ZNF584: variants seen among roughly 807,000 people sequenced by gnomAD.
The protein encoded by ZNF584 is zinc finger protein 584.
In ZNF584, 12 loss-of-function variants were observed where a neutral mutation model predicts 14.7. That is an observed-to-expected ratio of 0.82 (90% CI 0.52 to 1.32). The LOEUF (loss-of-function observed/expected upper bound fraction) is 1.32. Among genes scored for constraint, ZNF584 ranks in the 40% most tolerant of loss-of-function variants. The pLI is 0.00. For synonymous variants in ZNF584, 204 were observed against 190.9 expected, an observed-to-expected ratio of 1.07 and a Z score of -0.57; for missense variants, 478 against 518.8, an observed-to-expected ratio of 0.92 and a Z score of 0.76.
At chr19:58,410,248 C>T (rs1472486018) in intron 2 of ZNF584, among the ~76,000 whole-genome samples, 157 bp downstream of exon 2, 2 of 150,506 alleles carry the variant, frequency 1.3e-5, no homozygotes, top group Non-Finnish European at 3.0e-5. Flanking sequence ...TGGGACTCGG[C>T]GGTGTGCTCT....
chr19:58,405,232 C>T (rs1423543083), upstream of ZNF584: 2 of 146,334 alleles, frequency 1.4e-5, no homozygotes, highest in African/African-American at 5.2e-5. Context: ...ACCCCCCCAC[C>T]TCCCTTCCGG....
chr19:58,416,018 GA>G (rs1313687492), intron 3 of ZNF584: 1 of 1,519,550 alleles, frequency 6.6e-7, no homozygotes, highest in African/African-American at 1.4e-5. Flanking sequence ...GCTGGGACTA[GA>G]CACATGCCTC....
At position 58,417,614 on chromosome 19, in the gene ZNF584, A is replaced by G. The variant is rs1230801580; in HGVS notation, c.1096A>G (p.Arg366Gly). Residue 366 changes from arginine to glycine, a missense_variant, in exon 4 of 4, where the codon AGA becomes GGA. Arg to Gly is a moderately radical substitution (Grantham distance 125). This residue lies in a region of ZNF584 where 283 missense variants were observed against 317.3 expected (regional missense o/e 0.89). Transcript: ENST00000306910. ...CCTGTGTGGGAAAACCTTCACTACC[A>G]GATCCTACCGCAATCGGCACCAGCA... ...CSLCGKTFTT[R>G]SYRNRHQQFH... is the part of the protein sequence containing the mutation. 3 of 1,614,120 alleles carry G rather than the reference A, an allele frequency of 1.9e-6. No individual in the cohort carries two copies. In the East Asian group the frequency reaches 6.7e-5, roughly 36 times the overall value.
chr19:58,410,737 A>G (rs1267114766), intron 2 of ZNF584, among the ~76,000 whole-genome samples: 7 of 44,460 alleles, frequency 1.6e-4, no homozygotes, highest in Non-Finnish European at 2.6e-4. Context: ...GTATATATAT[A>G]TATGTGTGTA....
At position 58,417,824 on chromosome 19, in the gene ZNF584, G is replaced by GTAA; in HGVS notation, c.*41_*42insAAT. ...GGAAAGGTCTTATTCCAGAAAGGAGGTTAAGGAGAGTGGCCGTGAGAGTGC... is the reference window on the plus strand; with the variant it reads ...GGAAAGGTCTTATTCCAGAAAGGAGGTAATTAAGGAGAGTGGCCGTGAGAGTGC... On this transcript the variant is annotated 3_prime_UTR_variant, in exon 4 of 4. Transcript: ENST00000306910. 1 of 1,554,174 alleles carries GTAA rather than the reference G, an allele frequency of 6.4e-7. No individual in the cohort carries two copies. The highest frequency in any genetic ancestry group is 8.7e-7 in the Non-Finnish European group (1 of 1,151,972).
intron 2 of ZNF584, among the ~76,000 whole-genome samples, chr19:58,411,619 G>A (rs997731604): frequency 2.0e-5 from 3 of 151,716 alleles, no homozygotes; most frequent in Non-Finnish European, 2.9e-5. Context: ...CCTCTCTTCT[G>A]TTAATGTAGT....
rs1198388694 is a variant in ZNF584, at chr19:58,411,706, C to T, written c.169+1615C>T. Among the ~76,000 whole-genome samples, 8 of 147,432 alleles carry T rather than the reference C, an allele frequency of 5.4e-5. No individual in the cohort carries two copies. The East Asian group carries it at 6.4e-4, about 12-fold the overall frequency. On this transcript the variant is annotated intron_variant, in intron 2 of 3. Coordinates refer to ENST00000306910, the MANE Select transcript of ZNF584 (RefSeq NM_173548.3). ...GTCGCCAGGCTGGAGTGCAGTGGCG[C>T]GATCTCGGCTCACTGCAACCTCCAC...
Position 58,410,633 on chromosome 19 carries a change from GTGTATATATA to G in ZNF584, c.169+546_169+555del, listed in dbSNP as rs2052548674. Among the ~76,000 whole-genome samples the G allele has an allele frequency of 3.2e-4, 6 of 19,044 alleles. 1 individual carries two copies. Among genetic ancestry groups the G allele is most frequent in the Middle Eastern group, 0.018 (1 of 56 alleles). The allele number at this position is 19,044 out of a possible 152,430, so 12.5% of individuals were successfully genotyped here. A position where few individuals can be genotyped will look rare whatever the true frequency, so the allele number is the denominator to read the frequency against. The stretch of plus-strand genomic sequence containing the variant: ...TATATGTGTATATATGTGTATATAT[GTGTATATATA>G]TGTGTATATATGTGTATATATGTAT... On this transcript the variant is annotated intron_variant, in intron 2 of 3. Coordinates refer to ENST00000306910, the MANE Select transcript of ZNF584 (RefSeq NM_173548.3).
At chr19:58,409,216 G>A in intron 1 of ZNF584, 51 bp downstream of exon 1, 10 of 1,392,654 alleles carry the variant, frequency 7.2e-6, no homozygotes, top group East Asian at 2.8e-5. Context: ...GGTGGGGGGC[G>A]GCGTGTGCCA....
intron 2 of ZNF584, among the ~76,000 whole-genome samples, chr19:58,413,631 C>T (rs548143750): frequency 3.3e-5 from 5 of 151,364 alleles, no homozygotes; most frequent in Admixed American, 6.6e-5. Flanking sequence ...CTCAGCCTCC[C>T]GAGTGGCATG....
chr19:58,405,551 G>C (rs896321733), upstream of ZNF584: 14 of 160,816 alleles, frequency 8.7e-5, no homozygotes, highest in African/African-American at 2.9e-4. Flanking sequence ...TTCCCAGACG[G>C]GGTGGCTGCT....
chr19:58,404,924 C>G (rs1313349371), upstream of ZNF584: 3 of 154,144 alleles, frequency 1.9e-5, no homozygotes, highest in African/African-American at 7.6e-5. Context: ...GGGCTCCTCA[C>G]TTCCCAGTAG....
At chr19:58,410,537 A>ATATATG (rs2052533879) in intron 2 of ZNF584, among the ~76,000 whole-genome samples, 1 of 24,654 alleles carries the variant, frequency 4.1e-5, no homozygotes, top group Non-Finnish European at 7.4e-5. Flanking sequence ...ATATATATAT[A>ATATATG]TATATATATA....
intron 1 of ZNF584, among the ~76,000 whole-genome samples, chr19:58,402,866 A>G (rs1013088645): frequency 1.7e-4 from 26 of 151,666 alleles, no homozygotes; most frequent in Middle Eastern, 3.4e-3. Context: ...AGGTCTGAAT[A>G]GACCCCTCAC....
At chr19:58,409,288 C>A (rs766086959) in intron 1 of ZNF584, 123 bp downstream of exon 1, 41 of 1,154,246 alleles carry the variant, frequency 3.6e-5, no homozygotes, top group Non-Finnish European at 4.6e-5. Flanking sequence ...CTTTGATGCA[C>A]GGCTGGGGCA....
chr19:58,405,437 C>CG, upstream of ZNF584: 1 of 149,672 alleles, frequency 6.7e-6, no homozygotes, highest in Non-Finnish European at 1.4e-5. Context: ...GCTGGCCGGG[C>CG]GGGGGGCTGA....
intron 2 of ZNF584, among the ~76,000 whole-genome samples, chr19:58,411,722 C>A (rs530826263): frequency 8.6e-5 from 13 of 151,256 alleles, no homozygotes; most frequent in South Asian, 8.4e-4. Context: ...CGGCTCACTG[C>A]AACCTCCACC....
chr19:58,417,822 A>C lies in ZNF584; in HGVS notation c.*38A>C, dbSNP rs367767824. ...CAGGAAAGGTCTTATTCCAGAAAGG[A>C]GGTTAAGGAGAGTGGCCGTGAGAGT... On this transcript the variant is annotated 3_prime_UTR_variant, in exon 4 of 4. Transcript: ENST00000306910. The C allele has an allele frequency of 2.3e-5, 36 of 1,554,240 alleles. No homozygotes were observed. In the African/African-American group the frequency reaches 3.7e-4, roughly 16 times the overall value.
At chr19:58,406,438 T>C (rs1407764121), upstream of ZNF584, 1 of 150,962 alleles carries the variant, frequency 6.6e-6, no homozygotes, top group East Asian at 2.0e-4. Flanking sequence ...TGTTATGGGA[T>C]GACCAGTGTC....
Sources: allele counts gnomAD v4.1 joint callset (sites outside exome capture counted in the v4.1 genomes callset), GRCh38; gene constraint gnomAD v4.1.1; regional missense constraint gnomAD v4.1.1; transcripts MANE v1.5; gene names NCBI Gene and HGNC (gene_info 2026-07-23, HGNC 2026-07-21).